USP28: variants seen among roughly 807,000 people sequenced by gnomAD.
USP28 encodes the protein ubiquitin specific peptidase 28.
In USP28, 113 loss-of-function variants were observed where a neutral mutation model predicts 145.0. The observed-to-expected ratio is 0.78, with a 90% CI of 0.67 to 0.91. The LOEUF (loss-of-function observed/expected upper bound fraction) is 0.91. Ranked by LOEUF, USP28 falls within the 40% of genes least tolerant of loss-of-function variation. USP28 has a pLI of 0.00. For synonymous variants in USP28, 447 were observed against 450.9 expected (o/e 0.99, Z 0.11); for missense variants, 1,201 against 1,289.6 (o/e 0.93, Z 1.05).
At chr11:113,817,780 A>G in exon 13 of USP28, 1 of 1,614,214 alleles carries the variant, frequency 6.2e-7, no homozygotes, top group Non-Finnish European at 8.5e-7. Context: ...ATTCAATAAC[A>G]TATTTCAGCA....
At chr11:113,806,264 TC>T (rs971601236) in intron 19 of USP28, among the ~76,000 whole-genome samples, 17 of 152,164 alleles carry the variant, frequency 1.1e-4, no homozygotes, top group African/African-American at 4.1e-4. Flanking sequence ...AGATGGGATC[TC>T]ATTATGTTGC....
intron 1 of USP28, among the ~76,000 whole-genome samples, chr11:113,866,619 C>CT (rs150342665): frequency 0.01 from 1,542 of 152,282 alleles, 33 homozygotes; most frequent in African/African-American, 0.036. Context: ...ATTAGGATGA[C>CT]TGTTATCTAA....
At chr11:113,827,196 A>C (rs914878218) in intron 11 of USP28, 37 bp downstream of exon 11, 1 of 1,587,818 alleles carries the variant, frequency 6.3e-7, no homozygotes, top group Non-Finnish European at 8.5e-7. Context: ...TACTGCTGTA[A>C]TACCTCAGGA....
intron 3 of USP28, among the ~76,000 whole-genome samples, chr11:113,845,367 T>C (rs1945708197): frequency 6.6e-6 from 1 of 150,412 alleles, no homozygotes; most frequent in African/African-American, 2.4e-5. Flanking sequence ...ACCCGGGAGG[T>C]GGAGGCTCCA....
At chr11:113,866,429 T>A (rs1208198460) in intron 1 of USP28, among the ~76,000 whole-genome samples, 1 of 152,120 alleles carries the variant, frequency 6.6e-6, no homozygotes, top group East Asian at 1.9e-4. Context: ...CTCTTTGAAC[T>A]CCCTTTAAGT....
At chr11:113,831,105 T>C in intron 8 of USP28, 162 bp from the exon 9 acceptor site, 1 of 638,730 alleles carries the variant, frequency 1.6e-6, no homozygotes, top group Non-Finnish European at 2.8e-6. Context: ...CAAATATTTA[T>C]TGAACACCTT....
chr11:113,800,912 G>A (rs1458753106), intron 24 of USP28, among the ~76,000 whole-genome samples: 2 of 149,050 alleles, frequency 1.3e-5, no homozygotes, highest in Admixed American at 6.8e-5. Flanking sequence ...GTGCTATCTC[G>A]GCTCATTGCA....
rs1565394775 is a variant in USP28, at chr11:113,826,336, C to CTT, written c.1187+896_1187+897insAA. Among the ~76,000 whole-genome samples, 313 of 115,198 alleles carry CTT rather than the reference C, an allele frequency of 2.7e-3. 9 individuals carry two copies. Among genetic ancestry groups the CTT allele is most frequent in the African/African-American group, 9.7e-3 (308 of 31,718 alleles). The allele number at this position is 115,198 out of a possible 152,430, so 75.6% of individuals were successfully genotyped here. A position where few individuals can be genotyped will look rare whatever the true frequency, so the allele number is the denominator to read the frequency against. On this transcript the variant is annotated intron_variant, in intron 11 of 24. Transcript: ENST00000003302. ...GAAAAGAAAATCAAGCCACCACACCCATTTTTTTTTTTTTTTTTTTTTTTT... is the reference window on the plus strand; with the variant it reads ...GAAAAGAAAATCAAGCCACCACACCCTTATTTTTTTTTTTTTTTTTTTTTTTT...
chr11:113,822,458 C>CAGAGAGAGAGAGAGAGAGAGAGAGAG (rs10524675), intron 12 of USP28: 1 of 136,398 alleles, frequency 7.3e-6, no homozygotes, highest in African/African-American at 2.9e-5. Context: ...TCAAAAAAAA[C>CAGAGAGAGAGAGAGAGAGAGAGAGAG]AGAGAGAGAG....
intron 15 of USP28, 101 bp from the exon 16 acceptor site, chr11:113,812,605 G>A (rs1434066133): frequency 6.9e-6 from 7 of 1,021,196 alleles, no homozygotes; most frequent in Non-Finnish European, 1.0e-5. Context: ...TTAATGTGGG[G>A]TTCATATTAA....
intron 9 of USP28, among the ~76,000 whole-genome samples, chr11:113,829,900 T>C (rs1038914163): frequency 6.6e-6 from 1 of 151,436 alleles, no homozygotes; most frequent in Non-Finnish European, 1.5e-5. Context: ...TCTCACCATC[T>C]GTGAATAGTC....
At chr11:113,816,784 T>C (rs925016977) in intron 13 of USP28, among the ~76,000 whole-genome samples, 6 of 152,158 alleles carry the variant, frequency 3.9e-5, no homozygotes, top group Middle Eastern at 3.2e-3. Flanking sequence ...TTTCATAATA[T>C]ACATAAAAAG....
Position 113,875,426 on chromosome 11 carries a change from T to TCGC in USP28, c.57+16_57+18dup. On this transcript the variant is annotated intron_variant, in intron 1 of 24. Transcript: ENST00000003302. ...CCTGGAGCCCGCCCCCAGCTCCCGC[T>TCGC]CGCCGCCGCGGAGCCCACCGAGCCG... 1 of 1,236,976 alleles carries TCGC rather than the reference T, an allele frequency of 8.1e-7. No homozygotes were observed. Among genetic ancestry groups the TCGC allele is most frequent in the Non-Finnish European group, 1.0e-6 (1 of 986,304 alleles). The allele number at this position is 1,236,976 out of a possible 1,614,324, so 76.6% of individuals were successfully genotyped here. A position where few individuals can be genotyped will look rare whatever the true frequency, so the allele number is the denominator to read the frequency against.
chr11:113,853,515 T>C (rs983872760), intron 2 of USP28, among the ~76,000 whole-genome samples: 1 of 152,240 alleles, frequency 6.6e-6, no homozygotes, highest in Non-Finnish European at 1.5e-5. Flanking sequence ...TATACTCTCG[T>C]AGATATTCTG....
intron 1 of USP28, among the ~76,000 whole-genome samples, chr11:113,858,806 C>A (rs1947339761): frequency 6.6e-6 from 1 of 152,136 alleles, no homozygotes; most frequent in Admixed American, 6.5e-5. Flanking sequence ...GATGAGGATT[C>A]ATCATGTTGG....
In USP28 at chr11:113,814,025, C is replaced by A. The variant is rs3758989; in HGVS notation, c.1673-70G>T. On this transcript the variant is annotated intron_variant, in intron 14 of 24. Transcript: ENST00000003302. ...TTCTATGTCACACAGGCTACTTTAA[C>A]TAAGCAAAGAATATTGCTAGGGTCC... The A allele has an allele frequency of 0.03, 35,188 of 1,168,094 alleles. 2,686 individuals are homozygous for A. The highest frequency in any genetic ancestry group is 0.25 in the East Asian group (10,364 of 42,002). 72.4% of individuals were successfully genotyped at this position (1,168,094 alleles called of 1,614,324 possible).
intron 1 of USP28, among the ~76,000 whole-genome samples, chr11:113,871,097 T>C (rs562884804): frequency 3.9e-5 from 6 of 152,326 alleles, no homozygotes; most frequent in African/African-American, 1.2e-4. Context: ...GGTATGCTGA[T>C]TGGCAGTGTA....
chr11:113,828,004 AAAG>A (rs1943566098), intron 10 of USP28, among the ~76,000 whole-genome samples: 2 of 152,352 alleles, frequency 1.3e-5, no homozygotes, highest in South Asian at 4.1e-4. Flanking sequence ...CTTGAGTTTC[AAAG>A]AAGGAAGGCA....
intron 1 of USP28, among the ~76,000 whole-genome samples, chr11:113,866,395 A>G (rs1948249978): frequency 6.6e-6 from 1 of 152,210 alleles, no homozygotes; most frequent in African/African-American, 2.4e-5. Context: ...GTAAGAGTCT[A>G]GCATCTGGAT....
Sources: allele counts gnomAD v4.1 joint callset (sites outside exome capture counted in the v4.1 genomes callset), GRCh38; gene constraint gnomAD v4.1.1; transcripts MANE v1.5; gene names NCBI Gene and HGNC (gene_info 2026-07-23, HGNC 2026-07-21).